Variants in HR observed in about 807,000 individuals in gnomAD.
HR encodes lysine-specific demethylase hairless.
Under a neutral mutation model 128.6 loss-of-function variants are expected in HR, and 83 were observed. That is an observed-to-expected ratio of 0.65 (90% CI 0.54 to 0.77). The LOEUF (loss-of-function observed/expected upper bound fraction) is 0.77. HR is among the 30% of genes least tolerant of loss of function. HR has a pLI of 0.00. For synonymous variants in HR, 681 were observed against 658.2 expected (o/e 1.03, Z -0.53); for missense variants, 1,490 against 1,574.6 (o/e 0.95, Z 0.91).
chr8:22,128,813 C>T lies in HR; in HGVS notation c.358G>A (p.Gly120Ser). 6.2e-7 allele frequency: 1 copy of T among 1,613,070 alleles called. No homozygotes were observed. The highest frequency in any genetic ancestry group is 8.5e-7 in the Non-Finnish European group (1 of 1,179,884). Residue 120 changes from glycine to serine, a missense_variant, in exon 2 of 19, where the codon GGC becomes AGC. By Grantham distance (56) the Gly-to-Ser change is moderately conservative. Around this residue, in one of 3 missense-constraint regions of HR, gnomAD observed 1,060 missense variants for 1,060.9 expected, o/e 1.00. Transcript: ENST00000381418. ...CCACTATGCTCAGGCATCAGGGGGCCACAGCGAGGTGGGCACGCTGGCCCG... is the reference window on the plus strand; with the variant it reads ...CCACTATGCTCAGGCATCAGGGGGCTACAGCGAGGTGGGCACGCTGGCCCG... ...FCGPACPPRC[G>S]PLMPEHSGGH...
At chr8:22,123,617 T>TTGGGCCCCC in intron 6 of HR, 32 bp downstream of exon 6, 5 of 292,092 alleles carry the variant, frequency 1.7e-5, no homozygotes, top group Non-Finnish European at 3.1e-5. Flanking sequence ...GAGGGCTCCA[T>TTGGGCCCCC]CCCGCCCTCC....
chr8:22,117,695 C>T (rs987675786), intron 16 of HR: 23 of 152,344 alleles, frequency 1.5e-4, no homozygotes, highest in African/African-American at 5.5e-4. Context: ...GGCAGGGACT[C>T]GCAGAGGACA....
chr8:22,120,562 G>A, intron 11 of HR, 55 bp from the exon 12 acceptor site: 1 of 1,607,470 alleles, frequency 6.2e-7, no homozygotes, highest in Non-Finnish European at 8.5e-7. Flanking sequence ...GCCCGCCATG[G>A]CCAGGCAAGG....
At position 22,121,675 on chromosome 8, in the gene HR, G is replaced by C. The variant is rs777083529; in HGVS notation, c.2141C>G (p.Thr714Arg). ...AGQQKESTQK[T>R]PPTPQPSCNG... is the part of the protein sequence containing the mutation. ...GCAGGAAGGTTGTGGAGTTGGGGGC[G>C]TTTTCTGTGTTGATTCCTTCTGTTA... Residue 714 changes from threonine to arginine, a missense_variant, in exon 9 of 19, where the codon ACG becomes AGG. Thr to Arg is a moderately conservative substitution (Grantham distance 71, BLOSUM62 -1). This residue lies in a region of HR where 1,060 missense variants were observed against 1,060.9 expected (regional missense o/e 1.00). Transcript: ENST00000381418. The C allele has an allele frequency of 6.2e-7, 1 of 1,614,102 alleles. No homozygotes were observed. The highest frequency in any genetic ancestry group is 1.3e-5 in the African/African-American group (1 of 75,002).
chr8:22,127,145 C>T lies in HR; in HGVS notation c.1297G>A (p.Asp433Asn), dbSNP rs778803637. The T allele has an allele frequency of 6.8e-6, 11 of 1,612,204 alleles. No individual in the cohort carries two copies. In the South Asian group the frequency reaches 9.9e-5, roughly 14 times the overall value. Reference sequence around the variant, plus strand: ...TGTTCTGCAGTGCCTGGAAAAGGGTCCGGTGGCCGCTTGGGGGCTGGACTG... The same window carrying T: ...TGTTCTGCAGTGCCTGGAAAAGGGTTCGGTGGCCGCTTGGGGGCTGGACTG... ...MGSPAPKRPPDPFPGTAEQGA... is the reference protein window; with the variant it reads ...MGSPAPKRPPNPFPGTAEQGA... The change falls in exon 3 of 19, where the codon GAC becomes AAC. Residue 433 changes from aspartate (D) to asparagine (N), a missense_variant. Physicochemically the swap from Asp to Asn is conservative, Grantham distance 23. This residue lies in a region of HR where 1,060 missense variants were observed against 1,060.9 expected (regional missense o/e 1.00). Transcript: ENST00000381418.
At position 22,127,040 on chromosome 8, in the gene HR, T is replaced by G. The variant is rs1450901102; in HGVS notation, c.1402A>C (p.Lys468Gln). 7 of 1,611,760 alleles carry G rather than the reference T, an allele frequency of 4.3e-6. No homozygotes were observed. Among genetic ancestry groups the G allele is most frequent in the African/African-American group, 4.0e-5 (3 of 74,850 alleles). ...DVDSGQHDEQ[K>Q]GPQDGQASLQ... is the part of the protein sequence containing the mutation. ...CAGCCCCTCCTGGCCCCCTTACCTT[T>G]CTGCTCATCATGCTGTCCCGAGTCC... Residue 468 changes from lysine to glutamine, a missense_variant, in exon 3 of 19, where the codon AAA becomes CAA. Around this residue, in one of 3 missense-constraint regions of HR, gnomAD observed 1,060 missense variants for 1,060.9 expected, o/e 1.00. Coordinates refer to ENST00000381418, the MANE Select transcript of HR (RefSeq NM_005144.5).
chr8:22,127,836 A>C lies in HR; in HGVS notation c.613-7T>G. The C allele has an allele frequency of 6.3e-7, 1 of 1,598,460 alleles. No individual in the cohort carries two copies. The highest frequency in any genetic ancestry group is 8.5e-7 in the Non-Finnish European group (1 of 1,179,930). Reference sequence around the variant, plus strand: ...GATCCTTGTAGTAAAAGCCCTAAAGAGGGGAGAAAGTGTTACGCTTCAGCT... The same window carrying C: ...GATCCTTGTAGTAAAAGCCCTAAAGCGGGGAGAAAGTGTTACGCTTCAGCT... On this transcript the variant is annotated splice_region_variant and splice_polypyrimidine_tract_variant and intron_variant, in intron 2 of 18. Transcript: ENST00000381418.
chr8:22,125,308 C>A lies in HR; in HGVS notation c.1750+3G>T. The A allele has an allele frequency of 6.4e-7, 1 of 1,566,544 alleles. No homozygotes were observed. The highest frequency in any genetic ancestry group is 1.2e-5 in the South Asian group (1 of 85,184). ...CCACGCAGACCCAGGAGGTCCTGTTCACCTTCCCGCTGGGCCCAAGCCAGG... is the reference window on the plus strand; with the variant it reads ...CCACGCAGACCCAGGAGGTCCTGTTAACCTTCCCGCTGGGCCCAAGCCAGG... On this transcript the variant is annotated splice_donor_region_variant and intron_variant, in intron 5 of 18. Transcript: ENST00000381418.
At chr8:22,129,252 T>A in intron 1 of HR, 42 bp from the exon 2 acceptor site, 1 of 1,476,858 alleles carries the variant, frequency 6.8e-7, no homozygotes, top group East Asian at 2.3e-5. Context: ...GGGGCACATG[T>A]CCCAAGCACC....
At chr8:22,126,026 T>A (rs991722263) in intron 3 of HR, among the ~76,000 whole-genome samples, 2 of 152,174 alleles carry the variant, frequency 1.3e-5, no homozygotes, top group Non-Finnish European at 1.5e-5. Context: ...CTGACACAAG[T>A]GCAGGATCCA....
intron 9 of HR, 100 bp from the exon 10 acceptor site, chr8:22,121,328 G>C: frequency 1.4e-6 from 2 of 1,468,300 alleles, no homozygotes; most frequent in Non-Finnish European, 1.9e-6. Context: ...TCCTGGCTGA[G>C]CCCACTCTCC....
Position 22,122,671 on chromosome 8 carries a change from G to C in HR, c.2006-63C>G, listed in dbSNP as rs1046067543. On this transcript the variant is annotated intron_variant, in intron 7 of 18. Coordinates refer to ENST00000381418, the MANE Select transcript of HR (RefSeq NM_005144.5). ...TGAGTGTAGACCAACAGGCAGTCCC[G>C]GGCAGCTTGGCCTTGCCAAGCAGAA... 7 of 1,493,014 alleles carry C rather than the reference G, an allele frequency of 4.7e-6. No homozygotes were observed. In the African/African-American group the frequency reaches 9.7e-5, roughly 21 times the overall value. 92.5% of individuals were successfully genotyped at this position (1,493,014 alleles called of 1,614,324 possible).
At chr8:22,126,882 G>T (rs1390428062) in intron 3 of HR, among the ~76,000 whole-genome samples, 155 bp downstream of exon 3, 1 of 152,214 alleles carries the variant, frequency 6.6e-6, no homozygotes, top group Non-Finnish European at 1.5e-5. Flanking sequence ...GCCTGGAGAT[G>T]CTGAGGAACT....
chr8:22,128,323 A>G, intron 2 of HR: 1 of 615,248 alleles, frequency 1.6e-6, no homozygotes, highest in South Asian at 1.9e-5. Context: ...CTAGGCAGAC[A>G]ATGGGTGAGT....
chr8:22,115,906 G>C, intron 18 of HR, 144 bp from the exon 19 acceptor site: 1 of 817,206 alleles, frequency 1.2e-6, no homozygotes, highest in Non-Finnish European at 2.0e-6. Context: ...CAAGGTAGGT[G>C]GATCATTTGA....
Position 22,129,222 on chromosome 8 carries a change from C to T in HR, c.-40-12G>A, listed in dbSNP as rs1214302174. The T allele has an allele frequency of 6.6e-7, 1 of 1,511,936 alleles. No individual in the cohort carries two copies. Among genetic ancestry groups the T allele is most frequent in the African/African-American group, 1.4e-5 (1 of 71,718 alleles). 93.7% of individuals were successfully genotyped at this position (1,511,936 alleles called of 1,614,324 possible). On this transcript the variant is annotated splice_polypyrimidine_tract_variant and intron_variant, in intron 1 of 18. Coordinates refer to ENST00000381418, the MANE Select transcript of HR (RefSeq NM_005144.5). ...CCAGAGGGGGGTCCCTGGAGCATAA[C>T]CATCAAAGCATGAGCTTCTGGGGCA...
In HR at chr8:22,128,788, C is replaced by T. The variant is rs908093329; in HGVS notation, c.383G>A (p.Gly128Asp). ...CACAGGGTCACTCTTGAGATGGCCA[C>T]CACTATGCTCAGGCATCAGGGGGCC... ...RCGPLMPEHS[G>D]GHLKSDPVAF... The change falls in exon 2 of 19, where the codon GGT becomes GAT. Residue 128 changes from glycine to aspartate, a missense_variant. This residue lies in a region of HR where 1,060 missense variants were observed against 1,060.9 expected (regional missense o/e 1.00). Coordinates refer to ENST00000381418, the MANE Select transcript of HR (RefSeq NM_005144.5). 5 of 1,611,536 alleles carry T rather than the reference C, an allele frequency of 3.1e-6. No homozygotes were observed. The highest frequency in any genetic ancestry group is 3.4e-6 in the Non-Finnish European group (4 of 1,179,306).
Position 22,116,884 on chromosome 8 carries a change from A to T in HR, c.3369T>A (p.Ala1123=). The T allele has an allele frequency of 1.3e-6, 2 of 1,570,832 alleles. No homozygotes were observed. The highest frequency in any genetic ancestry group is 1.7e-6 in the Non-Finnish European group (2 of 1,162,990). The stretch of plus-strand genomic sequence containing the variant: ...GCCCGCTGGGAAGCACCTGGTGGGG[A>T]GCCCCTGCAGGCACCAGCACGGCCT... ...PGEAVLVPAG[A]PHQVQGLVST... The change falls in exon 17 of 19, where the codon GCT becomes GCA. Residue 1123 remains alanine (A), a synonymous_variant. Coordinates refer to ENST00000381418, the MANE Select transcript of HR (RefSeq NM_005144.5). The surrounding 1 kb of genome is among the most constrained non-coding windows in gnomAD (Gnocchi z 4.2).
chr8:22,121,037 C>T, intron 10 of HR, 28 bp downstream of exon 10: 1 of 1,613,234 alleles, frequency 6.2e-7, no homozygotes, highest in African/African-American at 1.3e-5. Flanking sequence ...CCCCTGGCTC[C>T]TAGCCCTCCC....
Sources: gnomAD v4.1 joint callset for allele counts (sites outside exome capture counted in the v4.1 genomes callset) on GRCh38, gnomAD v4.1.1 for gene constraint, gnomAD v4.1.1 regional missense constraint, Gnocchi (gnomAD v3.1) non-coding constraint, MANE v1.5 for transcripts, NCBI Gene and HGNC (gene_info 2026-07-23, HGNC 2026-07-21) for gene names.